SLC9A8: variants seen among roughly 807,000 people sequenced by gnomAD.
SLC9A8 encodes the protein solute carrier family 9 member A8.
SLC9A8 carries 48 observed loss-of-function variants against 66.6 expected under a neutral mutation model. The ratio of observed to expected loss-of-function variants is 0.72; its 90% CI spans 0.57 to 0.92. The LOEUF (loss-of-function observed/expected upper bound fraction) is 0.92. Ranked by LOEUF, SLC9A8 falls within the 40% of genes least tolerant of loss-of-function variation. The pLI is 0.00. For missense variants in SLC9A8, 599 were observed against 747.3 expected, an observed-to-expected ratio of 0.80 and a Z score of 2.31; for synonymous variants, 274 against 282.6, an observed-to-expected ratio of 0.97 and a Z score of 0.31.
chr20:49,867,301 G>A (rs1051975618), intron 10 of SLC9A8, among the ~76,000 whole-genome samples: 4 of 152,082 alleles, frequency 2.6e-5, no homozygotes, highest in Non-Finnish European at 2.9e-5. Context: ...CTTCTGGCAC[G>A]TATCTAAGTC....
intron 10 of SLC9A8, 39 bp from the exon 11 acceptor site, chr20:49,874,666 A>C (rs750808563): frequency 7.9e-7 from 1 of 1,263,124 alleles, no homozygotes; most frequent in East Asian, 2.3e-5. Flanking sequence ...GTTGGGGATC[A>C]CACGGCAGTG....
chr20:49,870,478 G>A (rs1267351629), intron 10 of SLC9A8, among the ~76,000 whole-genome samples: 2 of 152,156 alleles, frequency 1.3e-5, no homozygotes, highest in African/African-American at 4.8e-5. Context: ...CAGGAGCCAG[G>A]GGTCTGAAGA....
chr20:49,816,763 C>G (rs751046517), intron 2 of SLC9A8, among the ~76,000 whole-genome samples: 4 of 152,028 alleles, frequency 2.6e-5, no homozygotes, highest in South Asian at 2.1e-4. Flanking sequence ...GAGTCTTGCT[C>G]TGTCGCCCAG....
Position 49,845,126 on chromosome 20 carries a change from C to A in SLC9A8, c.432+7C>A. 6.3e-7 allele frequency: 1 copy of A among 1,595,388 alleles called. No individual in the cohort carries two copies. Among genetic ancestry groups the A allele is most frequent in the Non-Finnish European group, 8.6e-7 (1 of 1,162,892 alleles). ...TGGATATTCATTACACAAGGTGAGA[C>A]TCAGGCACACATTGGTGCTTTGGTC... On this transcript the variant is annotated splice_region_variant and intron_variant, in intron 5 of 15. Transcript: ENST00000361573.
chr20:49,862,830 GAA>G, intron 8 of SLC9A8, 97 bp from the exon 9 acceptor site: 1 of 925,542 alleles, frequency 1.1e-6, no homozygotes, highest in South Asian at 1.7e-5. Context: ...ATGAATGAAT[GAA>G]TGAATGAGCG....
intron 11 of SLC9A8, among the ~76,000 whole-genome samples, chr20:49,877,742 A>G (rs2089477438): frequency 6.6e-6 from 1 of 152,194 alleles, no homozygotes; most frequent in African/African-American, 2.4e-5. Context: ...GAAGTATTTG[A>G]CAGTTGACTC....
chr20:49,855,674 C>A, intron 8 of SLC9A8, 93 bp downstream of exon 8: 1 of 1,215,952 alleles, frequency 8.2e-7, no homozygotes. Flanking sequence ...AGCATGTGTA[C>A]AGTTGCTTGT....
In SLC9A8 at chr20:49,891,951, G is replaced by T. The variant is rs558979148; in HGVS notation, c.*4015G>T. 3.3e-5 allele frequency: 5 copies of T among 152,246 alleles called. No individual in the cohort carries two copies. Among genetic ancestry groups the T allele is most frequent in the African/African-American group, 1.2e-4 (5 of 41,514 alleles). 9.4% of individuals were successfully genotyped at this position (152,246 alleles called of 1,614,324 possible). ...TCCTTTGTAAAAATGACGAGTGCTG[G>T]GTTTTTGTTTTAAGAAGCATTATGA... On this transcript the variant is annotated 3_prime_UTR_variant, in exon 16 of 16. Coordinates refer to ENST00000361573, the MANE Select transcript of SLC9A8 (RefSeq NM_015266.3).
intron 7 of SLC9A8, among the ~76,000 whole-genome samples, chr20:49,851,159 A>C (rs1329063503): frequency 6.6e-6 from 1 of 152,136 alleles, no homozygotes; most frequent in Non-Finnish European, 1.5e-5. Context: ...TTGTCTTCTT[A>C]TTTACAAGAC....
In SLC9A8 at chr20:49,889,513, TGA is replaced by T. The variant is rs2146804550; in HGVS notation, c.*1581_*1582del. The T allele has an allele frequency of 6.6e-6, 1 of 152,352 alleles. No individual in the cohort carries two copies. Among genetic ancestry groups the T allele is most frequent in the Admixed American group, 6.5e-5 (1 of 15,300 alleles). 9.4% of individuals were successfully genotyped at this position (152,352 alleles called of 1,614,324 possible). ...CTTCCAGGTTCCTCTGTGCCAGGAA[TGA>T]GAGGCCAGGCCCGATCCTACCACCT... On this transcript the variant is annotated 3_prime_UTR_variant, in exon 16 of 16. Transcript: ENST00000361573.
chr20:49,866,714 C>T (rs1212246002), intron 10 of SLC9A8, among the ~76,000 whole-genome samples: 3 of 151,918 alleles, frequency 2.0e-5, no homozygotes. Context: ...TTTTTTGTTC[C>T]GCCTTCCTCT....
At chr20:49,831,617 C>T (rs1339649997) in intron 3 of SLC9A8, among the ~76,000 whole-genome samples, 3 of 152,202 alleles carry the variant, frequency 2.0e-5, no homozygotes, top group South Asian at 2.1e-4. Flanking sequence ...CCACGTCCCC[C>T]GCTGAATTCT....
intron 3 of SLC9A8, among the ~76,000 whole-genome samples, chr20:49,836,394 C>T (rs1283342445): frequency 3.9e-5 from 6 of 152,240 alleles, no homozygotes; most frequent in South Asian, 2.1e-4. Context: ...AGTGCAGTGG[C>T]GCAATCTCGG....
intron 7 of SLC9A8, among the ~76,000 whole-genome samples, chr20:49,851,279 G>A (rs1184585285): frequency 6.6e-6 from 1 of 152,216 alleles, no homozygotes; most frequent in African/African-American, 2.4e-5. Flanking sequence ...GGGGGAAGCA[G>A]GGCCAAGACC....
chr20:49,884,338 C>CA (rs1600823664), intron 14 of SLC9A8, among the ~76,000 whole-genome samples: 727 of 44,516 alleles, frequency 0.016, 164 homozygotes, highest in South Asian at 0.025. Flanking sequence ...ACACACACAC[C>CA]CCCCGGTCAT....
At chr20:49,822,151 G>A (rs1000376072) in intron 2 of SLC9A8, among the ~76,000 whole-genome samples, 19 of 152,210 alleles carry the variant, frequency 1.2e-4, no homozygotes, top group African/African-American at 1.9e-4. Flanking sequence ...GTCCTCAGCC[G>A]ATGGGAATGG....
At chr20:49,883,405 C>A (rs534104907) in intron 13 of SLC9A8, among the ~76,000 whole-genome samples, 9 of 152,162 alleles carry the variant, frequency 5.9e-5, no homozygotes, top group African/African-American at 2.2e-4. Context: ...GGCCTCCATC[C>A]CTCATCTGTG....
At chr20:49,844,979 T>C in intron 4 of SLC9A8, 57 bp from the exon 5 acceptor site, 1 of 1,276,100 alleles carries the variant, frequency 7.8e-7, no homozygotes, top group South Asian at 1.2e-5. Context: ...TATTGATTAA[T>C]TTATTTCTTA....
At chr20:49,815,995 C>T (rs895727032) in intron 2 of SLC9A8, among the ~76,000 whole-genome samples, 9 of 152,118 alleles carry the variant, frequency 5.9e-5, no homozygotes, top group African/African-American at 1.4e-4. Context: ...AACCCTTGCC[C>T]CAGCACCCTG....
Sources: allele counts gnomAD v4.1 joint callset (sites outside exome capture counted in the v4.1 genomes callset), GRCh38; gene constraint gnomAD v4.1.1; transcripts MANE v1.5; gene names NCBI Gene and HGNC (gene_info 2026-07-23, HGNC 2026-07-21).